BLMH: variants seen among roughly 807,000 people sequenced by gnomAD.
BLMH encodes the protein BLM hydrolase.
A neutral mutation model predicts 61.6 loss-of-function variants in BLMH; 32 were observed. That is an observed-to-expected ratio of 0.52 (90% CI 0.39 to 0.70). The LOEUF (loss-of-function observed/expected upper bound fraction) is 0.70, where lower values mean the gene tolerates loss of function less well. Ranked by LOEUF, BLMH falls within the 30% of genes least tolerant of loss-of-function variation. The probability of loss-of-function intolerance (pLI) is 0.00; values close to 1 mark genes in which losing one functional copy is unlikely to be tolerated. For missense variants in BLMH, 460 were observed against 555.5 expected, an observed-to-expected ratio of 0.83 and a Z score of 1.73; for synonymous variants, 183 against 193.8, an observed-to-expected ratio of 0.94 and a Z score of 0.46.
chr17:30,275,035 G>T (rs1445021921), intron 6 of BLMH, among the ~76,000 whole-genome samples: 1 of 146,312 alleles, frequency 6.8e-6, no homozygotes, highest in Admixed American at 6.8e-5. Flanking sequence ...GCTGAGTCAT[G>T]GTTTAAAAAA....
At chr17:30,275,181 C>T (rs1908384200) in intron 6 of BLMH, among the ~76,000 whole-genome samples, 1 of 152,046 alleles carries the variant, frequency 6.6e-6, no homozygotes, top group Admixed American at 6.5e-5. Flanking sequence ...CACACCACTG[C>T]ACTCCAGCCT....
chr17:30,275,362 T>TAG (rs1908390181), intron 6 of BLMH, among the ~76,000 whole-genome samples: 1 of 152,192 alleles, frequency 6.6e-6, no homozygotes. Flanking sequence ...TTTCATTTTA[T>TAG]AGAAATGCAA....
chr17:30,291,672 C>T, intron 1 of BLMH, 135 bp downstream of exon 1: 1 of 1,373,534 alleles, frequency 7.3e-7, no homozygotes, highest in South Asian at 1.5e-5. Flanking sequence ...TCCCTCCAGG[C>T]CGATCCAGCC....
intron 6 of BLMH, among the ~76,000 whole-genome samples, chr17:30,278,678 G>C (rs1308856667): frequency 2.0e-5 from 3 of 152,098 alleles, no homozygotes; most frequent in African/African-American, 7.2e-5. Flanking sequence ...TTTTTTGTGG[G>C]GGGGAGCGGG....
At chr17:30,256,259 T>G (rs111404512) in intron 11 of BLMH, among the ~76,000 whole-genome samples, 1,793 of 152,278 alleles carry the variant, frequency 0.012, 38 homozygotes, top group African/African-American at 0.041. Context: ...TATTTTATAT[T>G]GGTTGCAAAC....
At position 30,274,206 on chromosome 17, in the gene BLMH, G is replaced by A. The variant is rs570290540; in HGVS notation, c.646-9C>T. ...CACACCACTCGGAATATCTGGAAGA[G>A]AGGAGGAGGAAAGGCGAGCAATGGT... On this transcript the variant is annotated splice_polypyrimidine_tract_variant and intron_variant, in intron 6 of 11. Transcript: ENST00000261714. 2 of 1,612,330 alleles carry A rather than the reference G, an allele frequency of 1.2e-6. No individual in the cohort carries two copies. Among genetic ancestry groups the A allele is most frequent in the Admixed American group, 1.7e-5 (1 of 59,540 alleles).
chr17:30,283,518 C>CTTTTT (rs531841262), intron 6 of BLMH, among the ~76,000 whole-genome samples: 2 of 127,042 alleles, frequency 1.6e-5, no homozygotes, highest in Non-Finnish European at 3.3e-5. Flanking sequence ...ATACCTCCAT[C>CTTTTT]TTTTTTTTTT....
chr17:30,249,535 A>G, intron 11 of BLMH: 1 of 170,032 alleles, frequency 5.9e-6, no homozygotes, highest in Non-Finnish European at 1.2e-5. Context: ...GGAGGCAGAA[A>G]AACTTCTCAT....
intron 11 of BLMH, among the ~76,000 whole-genome samples, chr17:30,263,802 C>A (rs1218496805): frequency 6.6e-6 from 1 of 152,198 alleles, no homozygotes; most frequent in African/African-American, 2.4e-5. Context: ...CTGTTTATCT[C>A]CAGCATGTAT....
intron 6 of BLMH, among the ~76,000 whole-genome samples, chr17:30,284,426 T>C (rs1908674313): frequency 6.6e-6 from 1 of 152,180 alleles, no homozygotes; most frequent in Non-Finnish European, 1.5e-5. Flanking sequence ...AAGTGAAGCA[T>C]TAGTGTTTTC....
chr17:30,266,002 CAT>C (rs758849705), intron 11 of BLMH, among the ~76,000 whole-genome samples: 5 of 152,086 alleles, frequency 3.3e-5, no homozygotes, highest in Non-Finnish European at 5.9e-5. Flanking sequence ...TTCTACAACT[CAT>C]ATATTACTGT....
chr17:30,273,023 G>T, intron 7 of BLMH, 124 bp from the exon 8 acceptor site: 1 of 1,057,494 alleles, frequency 9.5e-7, no homozygotes, highest in Non-Finnish European at 1.4e-6. Flanking sequence ...AAGTACTACA[G>T]CCACATTGTT....
chr17:30,271,724 G>C (rs192782405), intron 9 of BLMH, among the ~76,000 whole-genome samples: 2 of 152,288 alleles, frequency 1.3e-5, no homozygotes, highest in African/African-American at 4.8e-5. Context: ...TTAGAAAACT[G>C]ATCTCTTTTG....
chr17:30,264,592 A>C (rs1193427875), intron 11 of BLMH, among the ~76,000 whole-genome samples: 1 of 152,246 alleles, frequency 6.6e-6, no homozygotes, highest in African/African-American at 2.4e-5. Context: ...TCTTAACCAG[A>C]TAACACTACT....
At chr17:30,277,917 G>C (rs1030697506) in intron 6 of BLMH, among the ~76,000 whole-genome samples, 1 of 152,022 alleles carries the variant, frequency 6.6e-6, no homozygotes. Context: ...GCATAAATAA[G>C]GATAAGGGTG....
chr17:30,284,548 T>C (rs762985279), intron 6 of BLMH, among the ~76,000 whole-genome samples: 20 of 152,266 alleles, frequency 1.3e-4, no homozygotes, highest in Non-Finnish European at 2.6e-4. Context: ...CTCAAACCAA[T>C]TGCAGTTTTA....
intron 2 of BLMH, chr17:30,291,005 C>G (rs532145668): frequency 2.9e-6 from 1 of 349,732 alleles, no homozygotes; most frequent in African/African-American, 2.0e-5. Flanking sequence ...GTGACCAAGA[C>G]CATACATCTC....
chr17:30,249,883 T>C (rs983068763), intron 11 of BLMH: 5 of 152,284 alleles, frequency 3.3e-5, no homozygotes, highest in African/African-American at 7.2e-5. Flanking sequence ...GTTAGGACTA[T>C]ACAGAGGTGC....
chr17:30,278,673 TG>T (rs1479440302), intron 6 of BLMH, among the ~76,000 whole-genome samples: 1 of 152,098 alleles, frequency 6.6e-6, no homozygotes, highest in African/African-American at 2.4e-5. Context: ...TGACTTTTTT[TG>T]TGGGGGGGAG....
Sources: gnomAD v4.1 joint callset for allele counts (sites outside exome capture counted in the v4.1 genomes callset) on GRCh38, gnomAD v4.1.1 for gene constraint, MANE v1.5 for transcripts, NCBI Gene and HGNC (gene_info 2026-07-23, HGNC 2026-07-21) for gene names.